The following AGPS variants were observed in gnomAD, a reference collection of about 807,000 sequenced individuals.
AGPS encodes alkyldihydroxyacetonephosphate synthase, peroxisomal.
Under a neutral mutation model 90.7 loss-of-function variants are expected in AGPS, and 26 were observed. The observed-to-expected ratio is 0.29, with a 90% CI of 0.21 to 0.40. The LOEUF (loss-of-function observed/expected upper bound fraction) is 0.40, where lower values mean the gene tolerates loss of function less well. AGPS is among the 10% of genes least tolerant of loss of function. The probability of loss-of-function intolerance (pLI) is 1.00; values close to 1 mark genes in which losing one functional copy is unlikely to be tolerated. For missense variants in AGPS, 540 were observed against 816.1 expected (o/e 0.66, Z 4.12); for synonymous variants, 294 against 285.3 (o/e 1.03, Z -0.31).
At chr2:177,505,611 A>G (rs754891736) in intron 15 of AGPS, 36 bp downstream of exon 15, 15 of 1,561,568 alleles carry the variant, frequency 9.6e-6, no homozygotes, top group Non-Finnish European at 1.3e-5. Context: ...CACTTAATTT[A>G]TGTTGCAAAC....
At chr2:177,528,905 G>C (rs937912104) in intron 19 of AGPS, among the ~76,000 whole-genome samples, 1 of 134,706 alleles carries the variant, frequency 7.4e-6, no homozygotes, top group Non-Finnish European at 1.5e-5. Flanking sequence ...GCCCAGGCTG[G>C]AGTGCAATGG....
intron 10 of AGPS, among the ~76,000 whole-genome samples, chr2:177,478,449 TTC>T (rs1176466836): frequency 6.6e-6 from 1 of 152,180 alleles, no homozygotes; most frequent in African/African-American, 2.4e-5. Flanking sequence ...TTCTGCTCCT[TTC>T]TCTGTTTTTC....
rs115962443 is a variant in AGPS, at chr2:177,447,271, T to C, written c.870+1645T>C. The stretch of plus-strand genomic sequence containing the variant: ...GCTTTGAAAAAAAATGATTAAACTA[T>C]TTATTTTTTATTTAATGCAGTCAGA... On this transcript the variant is annotated intron_variant, in intron 8 of 19. Coordinates refer to ENST00000264167, the MANE Select transcript of AGPS (RefSeq NM_003659.4). 6.5e-3 allele frequency among the ~76,000 whole-genome samples: 990 copies of C among 151,266 alleles called. 9 individuals are homozygous for C. Among genetic ancestry groups the C allele is most frequent in the African/African-American group, 0.023 (949 of 40,588 alleles).
intron 1 of AGPS, among the ~76,000 whole-genome samples, chr2:177,416,616 C>G (rs1685793321): frequency 6.6e-6 from 1 of 150,572 alleles, no homozygotes; most frequent in South Asian, 2.1e-4. Flanking sequence ...ACCTCCGCCT[C>G]CCAGGTTCAA....
chr2:177,436,643 T>C (rs764553017), intron 3 of AGPS, 121 bp from the exon 4 acceptor site: 5 of 913,274 alleles, frequency 5.5e-6, no homozygotes, highest in Non-Finnish European at 8.6e-6. Flanking sequence ...TATTTTCCTA[T>C]GCTTCAGCCT....
chr2:177,450,414 T>C (rs577538900), intron 8 of AGPS, among the ~76,000 whole-genome samples: 89 of 152,322 alleles, frequency 5.8e-4, no homozygotes, highest in African/African-American at 1.9e-3. Flanking sequence ...TTATAATTTT[T>C]AGTCTTAGAT....
Position 177,440,861 on chromosome 2 carries a change from T to A in AGPS, c.638-104T>A, listed in dbSNP as rs1686582480. 5 of 931,136 alleles carry A rather than the reference T, an allele frequency of 5.4e-6. No homozygotes were observed. The East Asian group carries it at 9.8e-5, about 18-fold the overall frequency. 57.7% of individuals were successfully genotyped at this position (931,136 alleles called of 1,614,324 possible). A position where few individuals can be genotyped will look rare whatever the true frequency, so the allele number is the denominator to read the frequency against. On this transcript the variant is annotated intron_variant, in intron 5 of 19. Coordinates refer to ENST00000264167, the MANE Select transcript of AGPS (RefSeq NM_003659.4). ...CTCATTGTGTTAATGAGCAAATGAA[T>A]GAAGGAAAAGTTTAGATAAAGAATT...
intron 14 of AGPS, among the ~76,000 whole-genome samples, chr2:177,503,507 T>C (rs1688621048): frequency 6.6e-6 from 1 of 152,196 alleles, no homozygotes. Context: ...TTTAAATTTG[T>C]TTAAAAACCT....
At chr2:177,414,773 C>G (rs1409338992) in intron 1 of AGPS, among the ~76,000 whole-genome samples, 2 of 151,950 alleles carry the variant, frequency 1.3e-5, no homozygotes, top group African/African-American at 4.8e-5. Context: ...GCGTATTTGC[C>G]TCAGGTTCAG....
intron 10 of AGPS, 32 bp downstream of exon 10, chr2:177,468,556 A>T: frequency 6.8e-7 from 1 of 1,461,368 alleles, no homozygotes; most frequent in African/African-American, 1.4e-5. Context: ...TTAAGAAAAA[A>T]TACAGGTTAG....
chr2:177,406,916 A>G (rs1349637104), intron 1 of AGPS, among the ~76,000 whole-genome samples: 1 of 152,236 alleles, frequency 6.6e-6, no homozygotes, highest in Non-Finnish European at 1.5e-5. Flanking sequence ...AAGAAGGGAA[A>G]GTTTAAATGC....
intron 10 of AGPS, among the ~76,000 whole-genome samples, chr2:177,469,519 A>T (rs1664208799): frequency 1.3e-5 from 2 of 152,186 alleles, no homozygotes; most frequent in African/African-American, 2.4e-5. Context: ...CTTTGTCAAG[A>T]TATCTCACCA....
At chr2:177,431,570 G>C (rs1364169628) in intron 2 of AGPS, among the ~76,000 whole-genome samples, 2 of 152,118 alleles carry the variant, frequency 1.3e-5, no homozygotes, top group African/African-American at 4.8e-5. Context: ...GACACTTCCA[G>C]AGCAGCTGTT....
intron 8 of AGPS, among the ~76,000 whole-genome samples, chr2:177,449,893 A>G (rs1686885965): frequency 6.6e-6 from 1 of 150,922 alleles, no homozygotes; most frequent in Non-Finnish European, 1.5e-5. Context: ...GCTGGAGTGC[A>G]GTGGTGTGAT....
At chr2:177,413,208 G>T (rs1559036009) in intron 1 of AGPS, among the ~76,000 whole-genome samples, 1 of 152,206 alleles carries the variant, frequency 6.6e-6, no homozygotes, top group Non-Finnish European at 1.5e-5. Context: ...AGCCGGTATG[G>T]ATTTCAGTCT....
Position 177,442,505 on chromosome 2 carries a change from T to C in AGPS, c.789+19T>C, listed in dbSNP as rs1169286729. Reference sequence around the variant, plus strand: ...ACAAATGGTATTTAATAATTTGAGATATATTTAAAACATTTTCTTTATTGG... The same window carrying C: ...ACAAATGGTATTTAATAATTTGAGACATATTTAAAACATTTTCTTTATTGG... On this transcript the variant is annotated intron_variant, in intron 7 of 19. Coordinates refer to ENST00000264167, the MANE Select transcript of AGPS (RefSeq NM_003659.4). The C allele has an allele frequency of 1.9e-6, 3 of 1,560,172 alleles. No individual in the cohort carries two copies. Among genetic ancestry groups the C allele is most frequent in the Non-Finnish European group, 2.7e-6 (3 of 1,131,696 alleles).
In AGPS at chr2:177,540,073, G is replaced by GTGTA. The variant is rs1307574161; in HGVS notation, c.*1879_*1880insGTAT. 2.8e-5 allele frequency: 4 copies of GTGTA among 145,106 alleles called. No individual in the cohort carries two copies. The highest frequency in any genetic ancestry group is 1.0e-4 in the African/African-American group (4 of 39,296). 9.0% of individuals were successfully genotyped at this position (145,106 alleles called of 1,614,324 possible). A position where few individuals can be genotyped will look rare whatever the true frequency, so the allele number is the denominator to read the frequency against. On this transcript the variant is annotated 3_prime_UTR_variant, in exon 20 of 20. Transcript: ENST00000264167. ...TATATATGTATGCATGTGTGTGTGT[G>GTGTA]TATATATATATATATATATATGTAT...
intron 10 of AGPS, among the ~76,000 whole-genome samples, chr2:177,471,139 A>T (rs1687607642): frequency 6.6e-6 from 1 of 152,204 alleles, no homozygotes; most frequent in South Asian, 2.1e-4. Flanking sequence ...AGACAGCATG[A>T]TTGAAATAGT....
chr2:177,534,281 A>G (rs1378416550), intron 19 of AGPS, among the ~76,000 whole-genome samples: 1 of 152,068 alleles, frequency 6.6e-6, no homozygotes, highest in African/African-American at 2.4e-5. Flanking sequence ...ATGTCTGTTC[A>G]TTCATTTATG....
Sources: allele counts gnomAD v4.1 joint callset (sites outside exome capture counted in the v4.1 genomes callset), GRCh38; gene constraint gnomAD v4.1.1; transcripts MANE v1.5; gene names NCBI Gene and HGNC (gene_info 2026-07-23, HGNC 2026-07-21).